Variants in PTPRD observed in about 807,000 individuals in gnomAD.
The protein encoded by PTPRD is protein tyrosine phosphatase receptor type D.
A neutral mutation model predicts 214.5 loss-of-function variants in PTPRD; 34 were observed. The ratio of observed to expected loss-of-function variants is 0.16; its 90% confidence interval spans 0.12 to 0.21. PTPRD has a LOEUF of 0.21. Among genes scored for constraint, PTPRD ranks in the 10% least tolerant of loss-of-function variants. PTPRD has a pLI of 1.00. For synonymous variants in PTPRD, 1,128 were observed against 845.7 expected (o/e 1.33, Z -5.79); for missense variants, 2,545 against 2,398.7 (o/e 1.06, Z -1.27).
chr9:8,651,708 GA>G lies in PTPRD; in HGVS notation c.65-14865del, dbSNP rs776648124. The stretch of plus-strand genomic sequence containing the variant: ...TACAAATTTAAAAAATCAACTCAAA[GA>G]GGGGGAAGGGCCGTTTTTTCTCCCT... On this transcript the variant is annotated intron_variant, in intron 12 of 45. Coordinates refer to ENST00000381196, the MANE Select transcript of PTPRD (RefSeq NM_002839.4). Among the ~76,000 whole-genome samples the G allele has an allele frequency of 3.8e-4, 58 of 152,230 alleles. No individual in the cohort carries two copies. The Middle Eastern group carries it at 0.01, about 27-fold the overall frequency.
At chr9:8,488,985 C>T (rs1016892791) in intron 27 of PTPRD, among the ~76,000 whole-genome samples, 2 of 152,144 alleles carry the variant, frequency 1.3e-5, no homozygotes, top group African/African-American at 2.4e-5. Flanking sequence ...ATAATATATA[C>T]ACCGTGTATC....
chr9:9,635,606 G>A (rs1321460673), intron 7 of PTPRD, among the ~76,000 whole-genome samples: 1 of 152,132 alleles, frequency 6.6e-6, no homozygotes, highest in African/African-American at 2.4e-5. Flanking sequence ...CTCAAATGCA[G>A]TACTCCTGTA....
At chr9:9,487,293 G>A (rs2095687718) in intron 8 of PTPRD, among the ~76,000 whole-genome samples, 1 of 149,856 alleles carries the variant, frequency 6.7e-6, no homozygotes, top group Middle Eastern at 3.4e-3. Context: ...TCCCACCTAT[G>A]AGTGAGAACA....
At chr9:9,547,210 C>T (rs2079009657) in intron 8 of PTPRD, among the ~76,000 whole-genome samples, 1 of 152,040 alleles carries the variant, frequency 6.6e-6, no homozygotes, top group Admixed American at 6.6e-5. Context: ...TAGCCAATAA[C>T]AATTATTTCA....
At chr9:9,362,218 A>C (rs1477953126) in intron 9 of PTPRD, among the ~76,000 whole-genome samples, 2 of 151,124 alleles carry the variant, frequency 1.3e-5, no homozygotes, top group Non-Finnish European at 3.0e-5. Flanking sequence ...ACATTCATAC[A>C]GTATTTCTAT....
chr9:10,560,147 T>C lies in PTPRD; in HGVS notation c.-600+52251A>G, dbSNP rs182544209. On this transcript the variant is annotated intron_variant, in intron 2 of 45. Coordinates refer to ENST00000381196, the MANE Select transcript of PTPRD (RefSeq NM_002839.4). The stretch of plus-strand genomic sequence containing the variant: ...GGCACTATTCACAATAGCAAAGACA[T>C]GGAACCAACCCAAATGTCCATCAAT... Among the ~76,000 whole-genome samples, 641 of 152,104 alleles carry C rather than the reference T, an allele frequency of 4.2e-3. 5 individuals are homozygous for C. The highest frequency in any genetic ancestry group is 0.014 in the African/African-American group (601 of 41,464).
At chr9:8,690,823 A>T (rs1208727835) in intron 12 of PTPRD, among the ~76,000 whole-genome samples, 2 of 152,190 alleles carry the variant, frequency 1.3e-5, no homozygotes, top group Non-Finnish European at 2.9e-5. Flanking sequence ...CTTAATTTCA[A>T]TTTTCAAAAT....
chr9:10,177,066 C>T (rs540886276), intron 3 of PTPRD, among the ~76,000 whole-genome samples: 26 of 151,920 alleles, frequency 1.7e-4, no homozygotes, highest in Non-Finnish European at 1.0e-4. Context: ...GATTGAGTCC[C>T]TTCACAAATC....
chr9:8,460,341 A>C (rs1291040422), intron 33 of PTPRD, 70 bp downstream of exon 33: 3 of 1,568,330 alleles, frequency 1.9e-6, no homozygotes, highest in African/African-American at 2.7e-5. Flanking sequence ...TAAGGACAGC[A>C]GAACAATGAT....
chr9:10,190,407 A>C (rs1264376929), intron 3 of PTPRD, among the ~76,000 whole-genome samples: 6 of 114,914 alleles, frequency 5.2e-5, no homozygotes, highest in East Asian at 2.6e-4. Flanking sequence ...AAAAAAAAAA[A>C]AAAAAAAAAA....
At chr9:9,586,511 T>C (rs138384704) in intron 7 of PTPRD, among the ~76,000 whole-genome samples, 2 of 152,008 alleles carry the variant, frequency 1.3e-5, no homozygotes, top group Non-Finnish European at 2.9e-5. Context: ...TTGTTCAATA[T>C]GAAACCTATA....
chr9:9,186,768 T>A (rs2099931879), intron 9 of PTPRD, among the ~76,000 whole-genome samples: 1 of 151,950 alleles, frequency 6.6e-6, no homozygotes, highest in Non-Finnish European at 1.5e-5. Flanking sequence ...GTTTTCCACC[T>A]TCACAGAAAT....
At chr9:9,163,629 TAC>T (rs1254101474) in intron 10 of PTPRD, among the ~76,000 whole-genome samples, 4 of 152,114 alleles carry the variant, frequency 2.6e-5, no homozygotes, top group African/African-American at 9.7e-5. Flanking sequence ...CCTATGAGAA[TAC>T]AGTTATGATA....
At chr9:9,221,619 T>G (rs899007302) in intron 9 of PTPRD, among the ~76,000 whole-genome samples, 4 of 151,972 alleles carry the variant, frequency 2.6e-5, no homozygotes, top group Non-Finnish European at 5.9e-5. Flanking sequence ...GTGTATATTT[T>G]CATAAGGACC....
At chr9:9,553,507 AG>A (rs2080823985) in intron 8 of PTPRD, among the ~76,000 whole-genome samples, 1 of 151,936 alleles carries the variant, frequency 6.6e-6, no homozygotes, top group Non-Finnish European at 1.5e-5. Context: ...AGTAGAAGGT[AG>A]AAAAACTCGG....
At chr9:9,601,310 T>C (rs1354490497) in intron 7 of PTPRD, among the ~76,000 whole-genome samples, 2 of 152,068 alleles carry the variant, frequency 1.3e-5, no homozygotes, top group Non-Finnish European at 2.9e-5. Flanking sequence ...CAGTTCAAGC[T>C]GAAAATTGAC....
chr9:8,746,754 G>C (rs1355980495), intron 11 of PTPRD, among the ~76,000 whole-genome samples: 1 of 152,172 alleles, frequency 6.6e-6, no homozygotes, highest in Admixed American at 6.5e-5. Flanking sequence ...AGTGCTTTCA[G>C]AGGCTGAGGC....
chr9:8,914,615 T>C (rs1297598362), intron 11 of PTPRD, among the ~76,000 whole-genome samples: 1 of 152,136 alleles, frequency 6.6e-6, no homozygotes, highest in Non-Finnish European at 1.5e-5. Flanking sequence ...TGAACAAATA[T>C]GTGTAGCTGA....
intron 30 of PTPRD, among the ~76,000 whole-genome samples, chr9:8,473,578 G>C (rs2096703024): frequency 6.6e-6 from 1 of 152,124 alleles, no homozygotes; most frequent in African/African-American, 2.4e-5. Context: ...CATATTATCA[G>C]AGTGCTACCA....
Sources: gnomAD v4.1 joint callset for allele counts (sites outside exome capture counted in the v4.1 genomes callset) on GRCh38, gnomAD v4.1.1 for gene constraint, MANE v1.5 for transcripts, NCBI Gene and HGNC (gene_info 2026-07-23, HGNC 2026-07-21) for gene names.